The following ANKS1B variants were observed in gnomAD, a reference collection of about 807,000 sequenced individuals.
The protein encoded by ANKS1B is ankyrin repeat and sterile alpha motif domain containing 1B, also known as ankyrin repeat and sterile alpha motif domain-containing protein 1B.
In ANKS1B, 36 loss-of-function variants were observed where a neutral mutation model predicts 148.3. The ratio of observed to expected loss-of-function variants is 0.24; its 90% CI spans 0.19 to 0.32. ANKS1B has a LOEUF of 0.32. ANKS1B is among the 10% of genes least tolerant of loss of function. The pLI is 1.00. For synonymous variants in ANKS1B, 542 were observed against 560.8 expected (o/e 0.97, Z 0.47); for missense variants, 1,157 against 1,542.6 (o/e 0.75, Z 4.19).
At chr12:99,935,358 A>C (rs1478420582) in intron 1 of ANKS1B, among the ~76,000 whole-genome samples, 10 of 25,116 alleles carry the variant, frequency 4.0e-4, no homozygotes, top group East Asian at 1.4e-3. Flanking sequence ...GATGCCTGAC[A>C]AAAAAAAAAA....
intron 7 of ANKS1B, among the ~76,000 whole-genome samples, chr12:99,773,565 T>C (rs1182706875): frequency 2.0e-5 from 3 of 152,034 alleles, no homozygotes; most frequent in South Asian, 2.1e-4. Flanking sequence ...TGGTATATGA[T>C]ATAAAGTAAA....
chr12:99,058,862 C>A lies in ANKS1B; in HGVS notation c.2626-5553G>T, dbSNP rs1474622814. ...ACGCCATTCTCCTGCCTCAGCCTCC[C>A]GAGTAGCTGGGACTACAGGCGCCCG... is the stretch of plus-strand genomic sequence containing the variant. On this transcript the variant is annotated intron_variant, in intron 16 of 26. Transcript: ENST00000683438. 2.7e-5 allele frequency among the ~76,000 whole-genome samples: 4 copies of A among 150,354 alleles called. No individual in the cohort carries two copies. The East Asian group carries it at 7.9e-4, about 30-fold the overall frequency.
Position 99,053,907 on chromosome 12 carries a change from A to G in ANKS1B, c.2626-598T>C, listed in dbSNP as rs191085030. Among the ~76,000 whole-genome samples, 4 of 152,338 alleles carry G rather than the reference A, an allele frequency of 2.6e-5. No individual in the cohort carries two copies. In the East Asian group the frequency reaches 7.7e-4, roughly 29 times the overall value. ...ACAGTATGTTAGACATGAATAGAGA[A>G]CTTGCTGGCAGACAGGCATCTATTT... On this transcript the variant is annotated intron_variant, in intron 16 of 26. Coordinates refer to ENST00000683438, the MANE Select transcript of ANKS1B (RefSeq NM_001352186.2).
chr12:99,617,369 C>T (rs1297910707), intron 9 of ANKS1B, among the ~76,000 whole-genome samples: 1 of 152,100 alleles, frequency 6.6e-6, no homozygotes, highest in Non-Finnish European at 1.5e-5. Context: ...TTTACAATAG[C>T]AAAGACTTGG....
chr12:98,842,960 GCTTT>G (rs1302387368), intron 17 of ANKS1B, among the ~76,000 whole-genome samples: 8 of 152,184 alleles, frequency 5.3e-5, no homozygotes, highest in African/African-American at 1.9e-4. Flanking sequence ...AAATGTTTAT[GCTTT>G]CTAAGTACTT....
At chr12:99,577,749 C>G (rs780489529) in intron 9 of ANKS1B, among the ~76,000 whole-genome samples, 3 of 151,994 alleles carry the variant, frequency 2.0e-5, no homozygotes, top group African/African-American at 7.2e-5. Flanking sequence ...ACCCTACCAA[C>G]AGAAAAAGCC....
intron 1 of ANKS1B, among the ~76,000 whole-genome samples, chr12:99,898,313 T>C (rs2093461195): frequency 6.6e-6 from 1 of 152,196 alleles, no homozygotes. Context: ...TCAATTTCTA[T>C]CTAAACAGAA....
At chr12:99,327,739 C>T (rs1001188752) in intron 12 of ANKS1B, among the ~76,000 whole-genome samples, 5 of 150,668 alleles carry the variant, frequency 3.3e-5, no homozygotes, top group Non-Finnish European at 4.4e-5. Context: ...AGATAATATT[C>T]ATTTTAGTAA....
chr12:98,920,735 GGTCCAT>G (rs2152904823), intron 17 of ANKS1B, among the ~76,000 whole-genome samples: 1 of 152,246 alleles, frequency 6.6e-6, no homozygotes, highest in Non-Finnish European at 1.5e-5. Flanking sequence ...TATAAGTCTT[GGTCCAT>G]GTACCTCATC....
Position 98,859,433 on chromosome 12 carries a change from G to C in ANKS1B, c.2779-27297C>G, listed in dbSNP as rs7961006. Among the ~76,000 whole-genome samples the C allele has an allele frequency of 6.5e-3, 993 of 152,278 alleles. 13 individuals carry two copies. Among genetic ancestry groups the C allele is most frequent in the African/African-American group, 0.022 (921 of 41,566 alleles). The stretch of plus-strand genomic sequence containing the variant: ...AACAAATGAGTTTTACTGTAATTCA[G>C]TGCGGGGAGATTAAAGGAAACCTAA... On this transcript the variant is annotated intron_variant, in intron 17 of 26. Transcript: ENST00000683438.
At chr12:99,862,293 A>G (rs573125139) in intron 1 of ANKS1B, among the ~76,000 whole-genome samples, 1 of 152,354 alleles carries the variant, frequency 6.6e-6, no homozygotes, top group South Asian at 2.1e-4. Flanking sequence ...TGAAAAAAAT[A>G]AAAAAGCATA....
rs368274624 is a variant in ANKS1B at position 99,561,101 on chromosome 12, C to T, written c.1273-56460G>A. Reference sequence around the variant, plus strand: ...GACCTTGTGATCCACCCGCCTCGGCCTCCCAAAGTGCTAGGATTACAGGTG... The same window carrying T: ...GACCTTGTGATCCACCCGCCTCGGCTTCCCAAAGTGCTAGGATTACAGGTG... On this transcript the variant is annotated intron_variant, in intron 9 of 26. Transcript: ENST00000683438. Among the ~76,000 whole-genome samples, 18 of 152,228 alleles carry T rather than the reference C, an allele frequency of 1.2e-4. No individual in the cohort carries two copies. The South Asian group carries it at 3.7e-3, about 32-fold the overall frequency.
At chr12:98,947,974 C>T (rs2153056833) in intron 17 of ANKS1B, among the ~76,000 whole-genome samples, 1 of 152,186 alleles carries the variant, frequency 6.6e-6, no homozygotes, top group South Asian at 2.1e-4. Context: ...TCATCAGGAA[C>T]AGAATTACAG....
intron 11 of ANKS1B, among the ~76,000 whole-genome samples, chr12:99,440,714 C>T (rs1056348011): frequency 6.6e-6 from 1 of 151,792 alleles, no homozygotes; most frequent in African/African-American, 2.4e-5. Flanking sequence ...ATTAACTAAG[C>T]AGAAACACAT....
At chr12:99,243,593 CACT>C (rs1262992643) in intron 14 of ANKS1B, among the ~76,000 whole-genome samples, 3 of 152,158 alleles carry the variant, frequency 2.0e-5, no homozygotes, top group African/African-American at 7.2e-5. Flanking sequence ...TTTATTGTGG[CACT>C]ATTCACAATA....
intron 12 of ANKS1B, among the ~76,000 whole-genome samples, chr12:99,341,987 A>G (rs1243453563): frequency 2.0e-5 from 3 of 152,094 alleles, no homozygotes; most frequent in Non-Finnish European, 4.4e-5. Context: ...TTTCAGTATC[A>G]AATTCTGGGG....
chr12:99,493,889 G>A (rs1171339708), intron 10 of ANKS1B, among the ~76,000 whole-genome samples: 1 of 152,194 alleles, frequency 6.6e-6, no homozygotes, highest in Non-Finnish European at 1.5e-5. Flanking sequence ...CTGGAGATAA[G>A]TATGTCGGAG....
intron 1 of ANKS1B, among the ~76,000 whole-genome samples, chr12:99,904,784 T>A (rs2093722778): frequency 6.6e-6 from 1 of 152,218 alleles, no homozygotes; most frequent in Non-Finnish European, 1.5e-5. Context: ...TCCTAGTAAT[T>A]TTGATAATCA....
intron 17 of ANKS1B, among the ~76,000 whole-genome samples, chr12:98,860,401 C>G (rs982446614): frequency 6.6e-6 from 1 of 152,224 alleles, no homozygotes; most frequent in Non-Finnish European, 1.5e-5. Flanking sequence ...GAGACACAAG[C>G]AGGCCTTGTG....
Sources: allele counts gnomAD v4.1 joint callset (sites outside exome capture counted in the v4.1 genomes callset), GRCh38; gene constraint gnomAD v4.1.1; transcripts MANE v1.5; gene names NCBI Gene and HGNC (gene_info 2026-07-23, HGNC 2026-07-21).